Variants in ZNF804B observed in about 807,000 individuals in gnomAD.
ZNF804B encodes zinc finger 804B.
ZNF804B carries 80 observed loss-of-function variants against 101.4 expected under a neutral mutation model. The observed-to-expected ratio is 0.79, with a 90% CI of 0.66 to 0.95. ZNF804B has a LOEUF of 0.95. Among genes scored for constraint, ZNF804B ranks in the 40% least tolerant of loss-of-function variants. The pLI, the probability that ZNF804B is intolerant of heterozygous loss-of-function variation, is 0.00. For synonymous variants in ZNF804B, 622 were observed against 558.8 expected (o/e 1.11, Z -1.59); for missense variants, 1,673 against 1,561.9 (o/e 1.07, Z -1.20).
intron 2 of ZNF804B, among the ~76,000 whole-genome samples, chr7:89,285,245 G>A (rs1790165254): frequency 1.3e-5 from 2 of 151,574 alleles, no homozygotes; most frequent in African/African-American, 4.8e-5. Flanking sequence ...AAAATAGGCT[G>A]GGCACGGTGG....
chr7:88,886,908 T>C (rs1025143234), intron 1 of ZNF804B, among the ~76,000 whole-genome samples: 3 of 123,216 alleles, frequency 2.4e-5, no homozygotes, highest in South Asian at 5.2e-4. Flanking sequence ...TTAGGAAAAA[T>C]AGACTATTCA....
At chr7:89,032,905 A>T (rs1788860681) in intron 1 of ZNF804B, among the ~76,000 whole-genome samples, 1 of 152,186 alleles carries the variant, frequency 6.6e-6, no homozygotes, top group Middle Eastern at 3.4e-3. Context: ...AAATGATTCT[A>T]ATTAGCATAT....
In ZNF804B at chr7:88,884,482, T is replaced by G. The variant is rs536175803; in HGVS notation, c.108+124398T>G. ...TCTTCTATCTATCTAATTTTGGCGTTTTATCTTAAAGTTTAAAAAAATCTA... is the reference window on the plus strand; with the variant it reads ...TCTTCTATCTATCTAATTTTGGCGTGTTATCTTAAAGTTTAAAAAAATCTA... On this transcript the variant is annotated intron_variant, in intron 1 of 3. Transcript: ENST00000333190. 3.3e-5 allele frequency among the ~76,000 whole-genome samples: 5 copies of G among 151,922 alleles called. 1 individual carries two copies. The highest frequency in any genetic ancestry group is 1.2e-4 in the African/African-American group (5 of 41,534).
Position 88,885,876 on chromosome 7 carries a change from G to A in ZNF804B, c.108+125792G>A, listed in dbSNP as rs1792118298. Among the ~76,000 whole-genome samples the A allele has an allele frequency of 4.0e-5, 6 of 151,764 alleles. No individual in the cohort carries two copies. In the South Asian group the frequency reaches 1.0e-3, roughly 26 times the overall value. On this transcript the variant is annotated intron_variant, in intron 1 of 3. Transcript: ENST00000333190. Reference sequence around the variant, plus strand: ...AAATAATGCATTATTAGTTATATTAGCACTCAGATCATTAAGAAAATAAAA... The same window carrying A: ...AAATAATGCATTATTAGTTATATTAACACTCAGATCATTAAGAAAATAAAA...
chr7:88,845,315 A>G (rs1791357508), intron 1 of ZNF804B, among the ~76,000 whole-genome samples: 1 of 152,034 alleles, frequency 6.6e-6, no homozygotes, highest in Non-Finnish European at 1.5e-5. Context: ...ACACACACAC[A>G]CACACAATAA....
chr7:89,117,337 A>T (rs1790326173), intron 1 of ZNF804B, among the ~76,000 whole-genome samples: 1 of 152,222 alleles, frequency 6.6e-6, no homozygotes, highest in South Asian at 2.1e-4. Context: ...TATACAGAAA[A>T]CTATAGTAGC....
chr7:88,879,604 A>C lies in ZNF804B; in HGVS notation c.108+119520A>C, dbSNP rs144918850. ...ACACACAGGAATTGAAGCCCCATGC[A>C]TAGAAGAGTTTACCAGGGTCAGTAA... On this transcript the variant is annotated intron_variant, in intron 1 of 3. Coordinates refer to ENST00000333190, the MANE Select transcript of ZNF804B (RefSeq NM_181646.5). Among the ~76,000 whole-genome samples the C allele has an allele frequency of 1.1e-4, 17 of 152,290 alleles. No homozygotes were observed. The South Asian group carries it at 3.5e-3, about 32-fold the overall frequency.
At chr7:89,235,595 A>G (rs1398518515) in intron 2 of ZNF804B, among the ~76,000 whole-genome samples, 1 of 152,202 alleles carries the variant, frequency 6.6e-6, no homozygotes, top group Non-Finnish European at 1.5e-5. Flanking sequence ...TTGCAAAAAC[A>G]TCCTGGATCC....
At chr7:88,823,786 T>A (rs1791017149) in intron 1 of ZNF804B, among the ~76,000 whole-genome samples, 1 of 152,098 alleles carries the variant, frequency 6.6e-6, no homozygotes, top group African/African-American at 2.4e-5. Context: ...AGGAAGGTGT[T>A]TGCTTACTGG....
chr7:89,003,119 T>G (rs939051105), intron 1 of ZNF804B, among the ~76,000 whole-genome samples: 1 of 151,912 alleles, frequency 6.6e-6, no homozygotes, highest in Non-Finnish European at 1.5e-5. Flanking sequence ...AGTTTCATTT[T>G]CAGAGTGATA....
intron 1 of ZNF804B, among the ~76,000 whole-genome samples, chr7:89,179,192 T>C (rs1340423417): frequency 6.6e-6 from 1 of 152,228 alleles, no homozygotes; most frequent in Non-Finnish European, 1.5e-5. Context: ...TACTTGGATA[T>C]TGATATCTTT....
intron 1 of ZNF804B, among the ~76,000 whole-genome samples, chr7:89,153,897 T>G (rs1014322432): frequency 7.9e-5 from 12 of 152,182 alleles, no homozygotes; most frequent in African/African-American, 2.9e-4. Flanking sequence ...TCTTCATAGA[T>G]GCTGAGACAA....
rs1412292220 is a variant in ZNF804B, at chr7:88,854,528, T to C, written c.108+94444T>C. ...TTTCCTTTCCTTTCCTTTCCTTCCT[T>C]TCCTTCCTTCCTTCCTTCCTTCCTT... is the stretch of plus-strand genomic sequence containing the variant. On this transcript the variant is annotated intron_variant, in intron 1 of 3. Transcript: ENST00000333190. Among the ~76,000 whole-genome samples the C allele has an allele frequency of 4.0e-4, 12 of 29,760 alleles. No individual in the cohort carries two copies. The South Asian group carries it at 0.016, about 40-fold the overall frequency. The allele number at this position is 29,760 out of a possible 152,430, so 19.5% of individuals were successfully genotyped here. A position where few individuals can be genotyped will look rare whatever the true frequency, so the allele number is the denominator to read the frequency against.
intron 1 of ZNF804B, among the ~76,000 whole-genome samples, chr7:88,988,444 G>T (rs927111527): frequency 5.9e-5 from 9 of 152,072 alleles, no homozygotes; most frequent in African/African-American, 2.2e-4. Flanking sequence ...ATATCATTGT[G>T]AAAAAGGCAA....
chr7:88,852,304 G>A (rs1791459529), intron 1 of ZNF804B, among the ~76,000 whole-genome samples: 1 of 152,000 alleles, frequency 6.6e-6, no homozygotes, highest in Admixed American at 6.6e-5. Flanking sequence ...CTTACTATGA[G>A]TCATGGTCAG....
chr7:89,167,152 C>T (rs530695553), intron 1 of ZNF804B, among the ~76,000 whole-genome samples: 8 of 151,622 alleles, frequency 5.3e-5, no homozygotes, highest in African/African-American at 1.9e-4. Flanking sequence ...CACAAATTTC[C>T]AAAGAACTTT....
chr7:88,994,050 TA>T (rs1793884975), intron 1 of ZNF804B, among the ~76,000 whole-genome samples: 1 of 151,996 alleles, frequency 6.6e-6, no homozygotes, highest in African/African-American at 2.4e-5. Flanking sequence ...AATCTCTTCA[TA>T]AAATCAGTTT....
chr7:89,222,445 T>C (rs1789019300), intron 2 of ZNF804B, among the ~76,000 whole-genome samples: 1 of 151,910 alleles, frequency 6.6e-6, no homozygotes, highest in South Asian at 2.1e-4. Context: ...TTTCAAACTA[T>C]CCCATTTATA....
At chr7:89,123,561 C>T (rs967686247) in intron 1 of ZNF804B, among the ~76,000 whole-genome samples, 1 of 152,116 alleles carries the variant, frequency 6.6e-6, no homozygotes, top group Non-Finnish European at 1.5e-5. Flanking sequence ...GACATTTCAC[C>T]TGCCCTTAAG....
Sources: allele counts gnomAD v4.1 joint callset (sites outside exome capture counted in the v4.1 genomes callset), GRCh38; gene constraint gnomAD v4.1.1; transcripts MANE v1.5; gene names NCBI Gene and HGNC (gene_info 2026-07-23, HGNC 2026-07-21).